The following FCGR3A variants were observed in gnomAD, a reference collection of about 807,000 sequenced individuals.
The protein encoded by FCGR3A is Fc gamma receptor IIIa, also known as low affinity immunoglobulin gamma Fc region receptor III-A.
A neutral mutation model predicts 24.1 loss-of-function variants in FCGR3A; 13 were observed. The ratio of observed to expected loss-of-function variants is 0.54; its 90% CI spans 0.35 to 0.86. The LOEUF (loss-of-function observed/expected upper bound fraction) is 0.86, where lower values mean the gene tolerates loss of function less well. FCGR3A is among the 40% of genes least tolerant of loss of function. The pLI is 0.01. For synonymous variants in FCGR3A, 93 were observed against 112.2 expected, an observed-to-expected ratio of 0.83 and a Z score of 1.08; for missense variants, 235 against 298.0, an observed-to-expected ratio of 0.79 and a Z score of 1.56.
At chr1:161,546,762 G>A (rs1287400384) in intron 3 of FCGR3A, among the ~76,000 whole-genome samples, 5 of 151,770 alleles carry the variant, frequency 3.3e-5, no homozygotes, top group South Asian at 2.1e-4. Flanking sequence ...AAAATTAGCC[G>A]GGCGTGGTGG....
rs1362425689 is a variant in FCGR3A at position 161,543,713 on chromosome 1, C to T, written c.578-514G>A. Among the ~76,000 whole-genome samples the T allele has an allele frequency of 2.0e-5, 3 of 152,256 alleles. No homozygotes were observed. The East Asian group carries it at 5.8e-4, about 29-fold the overall frequency. On this transcript the variant is annotated intron_variant, in intron 4 of 4. Transcript: ENST00000443193. ...TTCCCTAACCACTTGGGAGTATTTA[C>T]TTTCAGTTTAAAGTGTCATGAAATT... is the stretch of plus-strand genomic sequence containing the variant.
At chr1:161,543,341 G>A in intron 4 of FCGR3A, 142 bp from the exon 5 acceptor site, 1 of 967,280 alleles carries the variant, frequency 1.0e-6, no homozygotes, top group East Asian at 2.6e-5. Context: ...CTGGGGGAAA[G>A]TATTGCTTCC....
intron 4 of FCGR3A, among the ~76,000 whole-genome samples, chr1:161,544,094 T>C (rs1269175540): frequency 6.6e-6 from 1 of 152,264 alleles, no homozygotes; most frequent in Non-Finnish European, 1.5e-5. Context: ...ATTACCTATC[T>C]CATGTTGTGA....
At position 161,549,039 on chromosome 1, in the gene FCGR3A, A is replaced by T; in HGVS notation, c.41-8T>A. On this transcript the variant is annotated splice_polypyrimidine_tract_variant and splice_region_variant and intron_variant, in intron 1 of 4. Transcript: ENST00000443193. ...TCCGCATGCCAGCTGAAACTGCAAG[A>T]AAAAAGATAAATCAAATATTGAGTA... The T allele has an allele frequency of 6.3e-7, 1 of 1,587,830 alleles. No homozygotes were observed. The highest frequency in any genetic ancestry group is 8.6e-7 in the Non-Finnish European group (1 of 1,159,078).
At position 161,542,287 on chromosome 1, in the gene FCGR3A, C is replaced by G. The variant is rs116121681; in HGVS notation, c.*725G>C. 1,525 of 151,962 alleles carry G rather than the reference C, an allele frequency of 0.01. 27 individuals carry two copies. Among genetic ancestry groups the G allele is most frequent in the African/African-American group, 0.02 (814 of 41,312 alleles). 9.4% of individuals were successfully genotyped at this position (151,962 alleles called of 1,614,324 possible). Reference sequence around the variant, plus strand: ...TGTACTTTCTTTTCCACCCCACCCCCCACCGCAATCCTCAGTCCCCTTCCT... The same window carrying G: ...TGTACTTTCTTTTCCACCCCACCCCGCACCGCAATCCTCAGTCCCCTTCCT... On this transcript the variant is annotated 3_prime_UTR_variant, in exon 5 of 5. Transcript: ENST00000443193.
chr1:161,542,749 G>T lies in FCGR3A; in HGVS notation c.*263C>A, dbSNP rs1677175301. The T allele has an allele frequency of 2.9e-6, 1 of 346,884 alleles. No individual in the cohort carries two copies. The highest frequency in any genetic ancestry group is 4.6e-5 in the East Asian group (1 of 21,588). The allele number at this position is 346,884 out of a possible 1,614,324, so 21.5% of individuals were successfully genotyped here. A position where few individuals can be genotyped will look rare whatever the true frequency, so the allele number is the denominator to read the frequency against. On this transcript the variant is annotated 3_prime_UTR_variant, in exon 5 of 5. Coordinates refer to ENST00000443193, the MANE Select transcript of FCGR3A (RefSeq NM_000569.8). The stretch of plus-strand genomic sequence containing the variant: ...GTTGCTTTGCTGTGAGGGAACGGTT[G>T]GGACAGAAAAAGTGTTTGTGTAGCT...
At chr1:161,547,186 G>C (rs969062233) in intron 3 of FCGR3A, among the ~76,000 whole-genome samples, 1 of 152,010 alleles carries the variant, frequency 6.6e-6, no homozygotes, top group Non-Finnish European at 1.5e-5. Flanking sequence ...GGTTGTAGGT[G>C]GACATCTCTT....
In FCGR3A at chr1:161,548,539, G is replaced by T; in HGVS notation, c.201C>A (p.Ile67=). The part of the protein sequence containing the change: ...STQWFHNESL[I]SSQASSYFID... ...TGAAGTAGCTCGAGGCCTGGCTTGA[G>T]ATGAGGCTCTCATTGTGAAACCACT... The change falls in exon 3 of 5, where the codon ATC becomes ATA. Residue 67 remains isoleucine (I), a synonymous_variant. Transcript: ENST00000443193. 6.2e-7 allele frequency: 1 copy of T among 1,614,018 alleles called. No individual in the cohort carries two copies. Among genetic ancestry groups the T allele is most frequent in the Non-Finnish European group, 8.5e-7 (1 of 1,179,866 alleles).
At chr1:161,543,288 T>G in intron 4 of FCGR3A, 89 bp from the exon 5 acceptor site, 1 of 1,473,802 alleles carries the variant, frequency 6.8e-7, no homozygotes, top group Non-Finnish European at 9.3e-7. Context: ...TAGAAAGTCT[T>G]TGACAACAGC....
rs764822710 is a variant in FCGR3A at position 161,544,762 on chromosome 1, G to A, written c.516C>T (p.Cys172=). The A allele has an allele frequency of 1.9e-6, 3 of 1,613,154 alleles. No homozygotes were observed. Among genetic ancestry groups the A allele is most frequent in the Middle Eastern group, 1.7e-4 (1 of 6,048 alleles). ...CATTTTTACTCCCAAAAAGCCCCCT[G>A]CAGAAGTAGGAGCCGCTGTCTTTGA... The part of the protein sequence containing the change: ...ATLKDSGSYF[C]RGLFGSKNVS... The change falls in exon 4 of 5, where the codon TGC becomes TGT. Residue 172 remains cysteine (C), a synonymous_variant. Transcript: ENST00000443193.
intron 3 of FCGR3A, among the ~76,000 whole-genome samples, chr1:161,546,671 C>T (rs539519714): frequency 1.8e-3 from 268 of 151,732 alleles, no homozygotes; most frequent in African/African-American, 5.9e-3. Flanking sequence ...TTTGGGAGGC[C>T]GAGGTGGGCA....
intron 3 of FCGR3A, among the ~76,000 whole-genome samples, chr1:161,547,347 C>T (rs913825471): frequency 1.3e-5 from 2 of 152,158 alleles, no homozygotes; most frequent in African/African-American, 4.8e-5. Flanking sequence ...TCCTTATGCC[C>T]TTCTTCCCCC....
rs922670604 is a variant in FCGR3A at position 161,542,540 on chromosome 1, A to G, written c.*472T>C. The stretch of plus-strand genomic sequence containing the variant: ...CCTGCTATTTCTCAGCCATGCTTTC[A>G]TTGGTCCCACTGAATTCCCTAGATC... On this transcript the variant is annotated 3_prime_UTR_variant, in exon 5 of 5. Transcript: ENST00000443193. 1 of 154,038 alleles carries G rather than the reference A, an allele frequency of 6.5e-6. No homozygotes were observed. Among genetic ancestry groups the G allele is most frequent in the African/African-American group, 2.4e-5 (1 of 41,316 alleles). The allele number at this position is 154,038 out of a possible 1,614,324, so 9.5% of individuals were successfully genotyped here.
rs1052314956 is a variant in FCGR3A, at chr1:161,546,989, G to A, written c.319+1432C>T. On this transcript the variant is annotated intron_variant, in intron 3 of 4. Transcript: ENST00000443193. ...CTCAGAGGAGGACATAAGTGAAATG[G>A]GTCCTAAAGGATTAAAGGATGCTCA... 2.0e-5 allele frequency among the ~76,000 whole-genome samples: 3 copies of A among 151,974 alleles called. No homozygotes were observed. The East Asian group carries it at 5.8e-4, about 29-fold the overall frequency.
chr1:161,542,008 G>C lies in FCGR3A; in HGVS notation c.*1004C>G, dbSNP rs1677135484. 6.6e-6 allele frequency: 1 copy of C among 152,182 alleles called. No homozygotes were observed. The highest frequency in any genetic ancestry group is 6.6e-5 in the Admixed American group (1 of 15,262). The allele number at this position is 152,182 out of a possible 1,614,324, so 9.4% of individuals were successfully genotyped here. ...GAAGCTCAGTAGTACATTTAGTATTGGTTATACAACATTTGTTTAATAAAT... is the reference window on the plus strand; with the variant it reads ...GAAGCTCAGTAGTACATTTAGTATTCGTTATACAACATTTGTTTAATAAAT... On this transcript the variant is annotated 3_prime_UTR_variant, in exon 5 of 5. Coordinates refer to ENST00000443193, the MANE Select transcript of FCGR3A (RefSeq NM_000569.8).
intron 2 of FCGR3A, 25 bp downstream of exon 2, chr1:161,548,986 A>G: frequency 6.2e-7 from 1 of 1,601,696 alleles, no homozygotes; most frequent in Non-Finnish European, 8.5e-7. Flanking sequence ...CACTGGGTCA[A>G]TCCAAGACCA....
rs190196014 is a variant in FCGR3A, at chr1:161,547,068, T to C, written c.319+1353A>G. Among the ~76,000 whole-genome samples the C allele has an allele frequency of 1.0e-3, 156 of 152,248 alleles. 2 individuals carry two copies. The highest frequency in any genetic ancestry group is 1.7e-3 in the Non-Finnish European group (117 of 68,000). On this transcript the variant is annotated intron_variant, in intron 3 of 4. Transcript: ENST00000443193. ...TGGTCACAGTTTAATATAGCCTTGA[T>C]TGGCTAGACTTCTAAAGCCAGTTTC...
In FCGR3A at chr1:161,544,723, A is replaced by G. The variant is rs774437953; in HGVS notation, c.555T>C (p.Thr185=). 3.7e-6 allele frequency: 6 copies of G among 1,611,020 alleles called. No individual in the cohort carries two copies. The highest frequency in any genetic ancestry group is 3.3e-5 in the Admixed American group (2 of 59,910). ...LFGSKNVSSE[T]VNITITQGLA... ...CACCTTGAGTGATGGTGATGTTCAC[A>G]GTCTCTGAAGACACATTTTTACTCC... is the stretch of plus-strand genomic sequence containing the variant. The change falls in exon 4 of 5, where the codon ACT becomes ACC. Residue 185 remains threonine, a synonymous_variant. Transcript: ENST00000443193.
chr1:161,550,110 G>C (rs1401374303), upstream of FCGR3A: 1 of 541,510 alleles, frequency 1.8e-6, no homozygotes, highest in Non-Finnish European at 3.2e-6. Context: ...GAATGGGACA[G>C]TGAGACCCTG....
Sources: gnomAD v4.1 joint callset for allele counts (sites outside exome capture counted in the v4.1 genomes callset) on GRCh38, gnomAD v4.1.1 for gene constraint, MANE v1.5 for transcripts, NCBI Gene and HGNC (gene_info 2026-07-23, HGNC 2026-07-21) for gene names.